CAPN9: variants seen among roughly 807,000 people sequenced by gnomAD.
CAPN9 encodes calpain 9, also known as calpain-9.
Under a neutral mutation model 92.8 loss-of-function variants are expected in CAPN9, and 81 were observed. The ratio of observed to expected loss-of-function variants is 0.87; its 90% CI spans 0.73 to 1.05. CAPN9 has a LOEUF of 1.05. Among genes scored for constraint, CAPN9 ranks in the 50% least tolerant of loss-of-function variants. The probability of loss-of-function intolerance (pLI) is 0.00; values close to 1 mark genes in which losing one functional copy is unlikely to be tolerated. For synonymous variants in CAPN9, 304 were observed against 328.0 expected (o/e 0.93, Z 0.79); for missense variants, 848 against 866.2 (o/e 0.98, Z 0.26).
intron 2 of CAPN9, among the ~76,000 whole-genome samples, chr1:230,757,880 C>T (rs1407335544): frequency 1.3e-5 from 2 of 151,898 alleles, no homozygotes; most frequent in African/African-American, 2.4e-5. Flanking sequence ...GTATGGGGTC[C>T]CTGAGAACCC....
chr1:230,774,579 C>A lies in CAPN9; in HGVS notation c.901C>A (p.Pro301Thr), dbSNP rs954040519. The A allele has an allele frequency of 3.1e-6, 5 of 1,613,778 alleles. No individual in the cohort carries two copies. Among genetic ancestry groups the A allele is most frequent in the Non-Finnish European group, 8.5e-7 (1 of 1,179,834 alleles). ...TTCTCCGGAGTGGCGTTCTGTTGGT[C>A]CAGCTGAGCAGAAGCGTCTGTGTCA... ...DSSPEWRSVG[P>T]AEQKRLCHTA... Residue 301 changes from proline to threonine, a missense_variant, in exon 8 of 20, where the codon CCA becomes ACA. By Grantham distance (38) the Pro-to-Thr change is conservative. Coordinates refer to ENST00000271971, the MANE Select transcript of CAPN9 (RefSeq NM_006615.3).
At chr1:230,774,673 T>A (rs1354490546) in intron 8 of CAPN9, 42 bp downstream of exon 8, 9 of 1,372,178 alleles carry the variant, frequency 6.6e-6, no homozygotes, top group Non-Finnish European at 9.4e-6. Flanking sequence ...TACGAGCAAG[T>A]CCCATGGCCC....
chr1:230,762,414 T>G (rs1572026948), intron 3 of CAPN9, among the ~76,000 whole-genome samples: 1 of 152,236 alleles, frequency 6.6e-6, no homozygotes, highest in African/African-American at 2.4e-5. Context: ...GCGGCTTTGA[T>G]GGGTTGACCC....
intron 15 of CAPN9, 88 bp from the exon 16 acceptor site, chr1:230,792,338 C>A (rs1040371975): frequency 6.2e-6 from 7 of 1,128,252 alleles, no homozygotes; most frequent in Non-Finnish European, 9.4e-6. Flanking sequence ...CCCATCGGCC[C>A]TCCCCCTCTG....
At position 230,797,049 on chromosome 1, in the gene CAPN9, C is replaced by T. The variant is rs555201198; in HGVS notation, c.1988-1113C>T. On this transcript the variant is annotated intron_variant, in intron 18 of 19. Coordinates refer to ENST00000271971, the MANE Select transcript of CAPN9 (RefSeq NM_006615.3). ...GGTTCCCATGCACTCCACATCAGCA[C>T]TTCTCAAACTTCGCTGTACATTACA... Among the ~76,000 whole-genome samples the T allele has an allele frequency of 2.0e-5, 3 of 152,310 alleles. No homozygotes were observed. In the South Asian group the frequency reaches 6.2e-4, roughly 32 times the overall value.
At position 230,790,050 on chromosome 1, in the gene CAPN9, G is replaced by T. The variant is rs562981157; in HGVS notation, c.1600-82G>T. ...TGGTCTGTCACTGGAGCCAAATGAA[G>T]CTCAGAACTGATTTAAAACAAAAAT... On this transcript the variant is annotated intron_variant, in intron 13 of 19. Coordinates refer to ENST00000271971, the MANE Select transcript of CAPN9 (RefSeq NM_006615.3). The T allele has an allele frequency of 5.0e-6, 6 of 1,209,572 alleles. No homozygotes were observed. In the Admixed American group the frequency reaches 5.5e-5, roughly 11 times the overall value. 74.9% of individuals were successfully genotyped at this position (1,209,572 alleles called of 1,614,324 possible).
chr1:230,761,523 C>T (rs1665637341), intron 3 of CAPN9, among the ~76,000 whole-genome samples: 1 of 150,940 alleles, frequency 6.6e-6, no homozygotes, highest in African/African-American at 2.5e-5. Flanking sequence ...AGGGGAGGTC[C>T]AGCTGGAGCA....
At chr1:230,767,994 C>T (rs1666100357) in intron 5 of CAPN9, among the ~76,000 whole-genome samples, 1 of 144,808 alleles carries the variant, frequency 6.9e-6, no homozygotes, top group African/African-American at 2.6e-5. Flanking sequence ...GCACATGTAC[C>T]CTAAAACTTA....
intron 11 of CAPN9, among the ~76,000 whole-genome samples, chr1:230,784,411 G>T (rs537756873): frequency 6.6e-6 from 1 of 152,220 alleles, no homozygotes; most frequent in South Asian, 2.1e-4. Context: ...ATCACAGGCC[G>T]AGAGGCCTAA....
At chr1:230,788,677 C>T (rs1262874241) in intron 13 of CAPN9, among the ~76,000 whole-genome samples, 1 of 152,082 alleles carries the variant, frequency 6.6e-6, no homozygotes, top group Non-Finnish European at 1.5e-5. Context: ...AATGGGGGCT[C>T]ATGTGACTGC....
At chr1:230,757,748 T>G (rs1350499852) in intron 2 of CAPN9, among the ~76,000 whole-genome samples, 8 of 145,132 alleles carry the variant, frequency 5.5e-5, no homozygotes, top group African/African-American at 1.0e-4. Flanking sequence ...AGAACACACT[T>G]GGAACAGCAT....
chr1:230,779,311 C>T (rs1185673720), intron 9 of CAPN9, among the ~76,000 whole-genome samples, 178 bp downstream of exon 9: 1 of 152,172 alleles, frequency 6.6e-6, no homozygotes, highest in African/African-American at 2.4e-5. Flanking sequence ...GGGAAACCTC[C>T]TTTGTTTTAC....
intron 4 of CAPN9, among the ~76,000 whole-genome samples, chr1:230,765,926 T>C (rs542149635): frequency 6.6e-5 from 10 of 152,248 alleles, no homozygotes; most frequent in African/African-American, 2.4e-4. Flanking sequence ...AAGGAGCAAC[T>C]TTCCAGTGGA....
At chr1:230,792,982 G>C in intron 17 of CAPN9, 54 bp downstream of exon 17, 1 of 1,363,074 alleles carries the variant, frequency 7.3e-7, no homozygotes, top group Non-Finnish European at 1.0e-6. Flanking sequence ...TACTGCCTGT[G>C]GGCAACCTGA....
Position 230,747,433 on chromosome 1 carries a change from G to C in CAPN9, c.-64G>C, listed in dbSNP as rs1047543202. The C allele has an allele frequency of 1.1e-5, 15 of 1,410,526 alleles. No homozygotes were observed. The highest frequency in any genetic ancestry group is 1.7e-5 in the Admixed American group (1 of 59,726). The allele number at this position is 1,410,526 out of a possible 1,614,324, so 87.4% of individuals were successfully genotyped here. On this transcript the variant is annotated 5_prime_UTR_variant, in exon 1 of 20. Transcript: ENST00000271971. Reference sequence around the variant, plus strand: ...TGTTCCTTCTTGACCGGCACACACAGCTCGCTTCTTCACTTTCTTTTCCAT... The same window carrying C: ...TGTTCCTTCTTGACCGGCACACACACCTCGCTTCTTCACTTTCTTTTCCAT...
At chr1:230,759,438 C>G (rs2102847044) in intron 2 of CAPN9, 74 bp from the exon 3 acceptor site, 1 of 1,053,076 alleles carries the variant, frequency 9.5e-7, no homozygotes, top group Admixed American at 2.1e-5. Flanking sequence ...CCCCACATCC[C>G]CTTCTGACAC....
chr1:230,780,122 G>GTT, intron 9 of CAPN9, 57 bp from the exon 10 acceptor site: 4 of 935,094 alleles, frequency 4.3e-6, no homozygotes, highest in Non-Finnish European at 4.9e-6. Context: ...GTGTGTGTGT[G>GTT]GTCTTTGTGG....
chr1:230,776,525 G>A (rs1666791705), intron 8 of CAPN9: 1 of 152,206 alleles, frequency 6.6e-6, no homozygotes. Flanking sequence ...CGTTGTGGCA[G>A]TTCTGTAATT....
At position 230,762,659 on chromosome 1, in the gene CAPN9, C is replaced by T. The variant is rs753250144; in HGVS notation, c.409C>T (p.Gln137Ter). Residue 137 changes from glutamine to a stop codon, truncating the protein, a stop_gained, in exon 4 of 20, where the codon CAG becomes TAG. Transcript: ENST00000271971. LOFTEE classifies it high-confidence loss of function. ...YAGIFHFQFW[Q>*]HSEWLDVVID... ...TCTTTTTCCTGGGCAACAGTTCTGG[C>T]AGCACAGTGAGTGGCTGGACGTGGT... The T allele has an allele frequency of 1.6e-5, 26 of 1,613,956 alleles. No homozygotes were observed. The highest frequency in any genetic ancestry group is 1.9e-5 in the Non-Finnish European group (23 of 1,179,886).
Sources: allele counts gnomAD v4.1 joint callset (sites outside exome capture counted in the v4.1 genomes callset), GRCh38; gene constraint gnomAD v4.1.1; transcripts MANE v1.5; gene names NCBI Gene and HGNC (gene_info 2026-07-23, HGNC 2026-07-21).